FARP1: variants seen among roughly 807,000 people sequenced by gnomAD.
The protein encoded by FARP1 is FERM, ARHGEF and pleckstrin domain-containing protein 1.
FARP1 carries 52 observed loss-of-function variants against 128.8 expected under a neutral mutation model. The ratio of observed to expected loss-of-function variants is 0.40; its 90% CI spans 0.32 to 0.51. The LOEUF (loss-of-function observed/expected upper bound fraction) is 0.51. Ranked by LOEUF, FARP1 falls within the 20% of genes least tolerant of loss-of-function variation. FARP1 has a pLI of 0.45. For synonymous variants in FARP1, 580 were observed against 551.8 expected (o/e 1.05, Z -0.72); for missense variants, 1,333 against 1,367.9 (o/e 0.97, Z 0.40).
chr13:98,420,479 GTT>G (rs1359821716), intron 16 of FARP1, among the ~76,000 whole-genome samples: 1 of 152,224 alleles, frequency 6.6e-6, no homozygotes, highest in Non-Finnish European at 1.5e-5. Flanking sequence ...GGTGAACGAA[GTT>G]TTGATACGAG....
At chr13:98,320,059 G>A (rs1033764685) in intron 2 of FARP1, among the ~76,000 whole-genome samples, 16 of 152,294 alleles carry the variant, frequency 1.1e-4, no homozygotes, top group African/African-American at 1.7e-4. Context: ...AGCCAGGCCT[G>A]TGTGGTCAGA....
rs532401204 is a variant in FARP1 at position 98,351,408 on chromosome 13, C to G, written c.276+7542C>G. On this transcript the variant is annotated intron_variant, in intron 3 of 26. Transcript: ENST00000319562. Reference sequence around the variant, plus strand: ...CAGGCAGATCACAAGGTCAGGAGATCAAGACCATCCTGGCTAACAGGGTGA... The same window carrying G: ...CAGGCAGATCACAAGGTCAGGAGATGAAGACCATCCTGGCTAACAGGGTGA... Among the ~76,000 whole-genome samples the G allele has an allele frequency of 2.2e-4, 33 of 152,238 alleles. No individual in the cohort carries two copies. In the South Asian group the frequency reaches 5.4e-3, roughly 25 times the overall value.
chr13:98,395,187 C>G, intron 12 of FARP1, 40 bp from the exon 13 acceptor site: 2 of 1,555,652 alleles, frequency 1.3e-6, no homozygotes, highest in Non-Finnish European at 1.7e-6. Flanking sequence ...CAGTCTCCCT[C>G]TTCTCTATCT....
At chr13:98,280,087 C>T (rs757566274) in intron 2 of FARP1, among the ~76,000 whole-genome samples, 50 of 152,190 alleles carry the variant, frequency 3.3e-4, no homozygotes, top group Non-Finnish European at 6.2e-4. Context: ...TCCATTTCCT[C>T]TCTGCCTGCA....
In FARP1 at chr13:98,453,138, AAAGG is replaced by A; in HGVS notation, c.*4824_*4827del. ...AAAAGGAGGAGGATGAAGAAGGAAA[AAAGG>A]AAAAACAAAACCCCAAATGCCAAAG... is the stretch of plus-strand genomic sequence containing the variant. On this transcript the variant is annotated 3_prime_UTR_variant, in exon 27 of 27. Transcript: ENST00000319562. 6.2e-7 allele frequency: 1 copy of A among 1,612,618 alleles called. No individual in the cohort carries two copies. Among genetic ancestry groups the A allele is most frequent in the Non-Finnish European group, 8.5e-7 (1 of 1,179,096 alleles).
At chr13:98,261,449 C>T (rs1162835678) in intron 2 of FARP1, among the ~76,000 whole-genome samples, 1 of 152,106 alleles carries the variant, frequency 6.6e-6, no homozygotes, top group African/African-American at 2.4e-5. Flanking sequence ...CCCCTCCTCC[C>T]TTCGTTGACC....
intron 2 of FARP1, among the ~76,000 whole-genome samples, chr13:98,302,306 C>T (rs1484005351): frequency 6.6e-6 from 1 of 152,206 alleles, no homozygotes; most frequent in African/African-American, 2.4e-5. Context: ...GTAATCTTAC[C>T]CATATCAAAA....
At chr13:98,210,552 T>A (rs1249249199) in intron 1 of FARP1, among the ~76,000 whole-genome samples, 1 of 127,014 alleles carries the variant, frequency 7.9e-6, no homozygotes, top group African/African-American at 2.8e-5. Flanking sequence ...CGTTTTTCTA[T>A]CTTTTCTTTT....
At chr13:98,326,594 T>A (rs1474057679) in intron 2 of FARP1, among the ~76,000 whole-genome samples, 3 of 152,222 alleles carry the variant, frequency 2.0e-5, no homozygotes, top group African/African-American at 7.2e-5. Context: ...GGACTAATCA[T>A]GCCTTTCAGG....
chr13:98,224,966 A>G (rs1015062101), intron 2 of FARP1, among the ~76,000 whole-genome samples: 9 of 152,130 alleles, frequency 5.9e-5, no homozygotes, highest in African/African-American at 9.7e-5. Flanking sequence ...ATGGCTTCAC[A>G]TGGCAGGCAT....
chr13:98,164,437 T>C (rs1452185861), intron 1 of FARP1, among the ~76,000 whole-genome samples: 1 of 152,234 alleles, frequency 6.6e-6, no homozygotes, highest in Non-Finnish European at 1.5e-5. Context: ...TGGGTTGCTC[T>C]TGGTAGGTTT....
chr13:98,373,561 C>G (rs895915309), intron 5 of FARP1, among the ~76,000 whole-genome samples: 1 of 151,512 alleles, frequency 6.6e-6, no homozygotes, highest in Non-Finnish European at 1.5e-5. Context: ...CACACACACA[C>G]ACACACACAC....
chr13:98,430,322 A>C (rs898001356), intron 17 of FARP1, among the ~76,000 whole-genome samples: 2 of 152,224 alleles, frequency 1.3e-5, no homozygotes, highest in Admixed American at 6.5e-5. Context: ...GGTGATTATC[A>C]AGTGAGACTT....
intron 2 of FARP1, among the ~76,000 whole-genome samples, chr13:98,224,718 T>C (rs1322065601): frequency 6.6e-6 from 1 of 151,840 alleles, no homozygotes; most frequent in Non-Finnish European, 1.5e-5. Context: ...GTGAGCAGTT[T>C]GTGGAGCTGG....
Position 98,446,626 on chromosome 13 carries a change from T to C in FARP1, c.2905-40T>C, listed in dbSNP as rs764223770. 13 of 1,607,590 alleles carry C rather than the reference T, an allele frequency of 8.1e-6. No homozygotes were observed. In the African/African-American group the frequency reaches 1.2e-4, roughly 15 times the overall value. ...AGCAGCCAGGCCCAGCAGCAGAAGC[T>C]GACCCCGAAAAGCCACTTTGCTTTG... is the stretch of plus-strand genomic sequence containing the variant. On this transcript the variant is annotated intron_variant, in intron 25 of 26. Transcript: ENST00000319562.
intron 2 of FARP1, among the ~76,000 whole-genome samples, chr13:98,243,696 CA>C (rs61020922): frequency 0.029 from 1,882 of 64,866 alleles, 23 homozygotes; most frequent in African/African-American, 0.084. Context: ...GACTCCATCT[CA>C]AAAAAAAAAA....
At chr13:98,378,967 A>AT (rs1889727864) in intron 6 of FARP1, among the ~76,000 whole-genome samples, 2 of 94,390 alleles carry the variant, frequency 2.1e-5, no homozygotes, top group South Asian at 6.3e-4. Context: ...TAATATATAC[A>AT]ATATATAATC....
At chr13:98,162,543 C>T (rs141776211) in intron 1 of FARP1, among the ~76,000 whole-genome samples, 2 of 152,186 alleles carry the variant, frequency 1.3e-5, no homozygotes, top group Admixed American at 1.3e-4. Flanking sequence ...CAAACCTGGG[C>T]TGACCTCACC....
At chr13:98,142,914 C>G (rs540866408), upstream of FARP1, 990 of 151,452 alleles carry the variant, frequency 6.5e-3, 6 homozygotes, top group Non-Finnish European at 0.011. Flanking sequence ...GCGCTGGGCT[C>G]GGGAGGCCCC....
Sources: allele counts gnomAD v4.1 joint callset (sites outside exome capture counted in the v4.1 genomes callset), GRCh38; gene constraint gnomAD v4.1.1; transcripts MANE v1.5; gene names NCBI Gene and HGNC (gene_info 2026-07-23, HGNC 2026-07-21).